The following MID1 variants were observed in gnomAD, a reference collection of about 807,000 sequenced individuals.
MID1 encodes midline 1.
Under a neutral mutation model 40.4 loss-of-function variants are expected in MID1, and 7 were observed. The observed-to-expected ratio is 0.17, with a 90% CI of 0.10 to 0.33. The LOEUF (loss-of-function observed/expected upper bound fraction) is 0.33, where lower values mean the gene tolerates loss of function less well. MID1 is among the 10% of genes least tolerant of loss of function. The probability of loss-of-function intolerance (pLI) is 1.00; values close to 1 mark genes in which losing one functional copy is unlikely to be tolerated. For synonymous variants in MID1, 229 were observed against 221.2 expected, an observed-to-expected ratio of 1.04 and a Z score of -0.31; for missense variants, 367 against 558.5, an observed-to-expected ratio of 0.66 and a Z score of 3.46.
At chrX:10,612,855 G>A (rs761568953) in intron 1 of MID1, among the ~76,000 whole-genome samples, 51 of 108,498 alleles carry the variant, frequency 4.7e-4, no homozygotes, top group Non-Finnish European at 6.4e-4. Flanking sequence ...GCTTCTAGGT[G>A]TAGAACCTAA....
At chrX:10,605,396 T>C (rs1935606493) in intron 1 of MID1, among the ~76,000 whole-genome samples, 1 of 112,046 alleles carries the variant, frequency 8.9e-6, no homozygotes, top group Non-Finnish European at 1.9e-5. Context: ...TATAATGTTA[T>C]CACTTCACAG....
intron 1 of MID1, among the ~76,000 whole-genome samples, chrX:10,788,952 G>T (rs1327961171): frequency 8.9e-6 from 1 of 111,965 alleles, no homozygotes; most frequent in African/African-American, 3.2e-5. Context: ...GCAACATGGT[G>T]AAACCTTGTC....
chrX:10,647,367 T>C (rs1936272449), intron 1 of MID1, among the ~76,000 whole-genome samples: 1 of 111,440 alleles, frequency 9.0e-6, no homozygotes, highest in Non-Finnish European at 1.9e-5. Flanking sequence ...TTATTTCTAG[T>C]TGTGATTTGA....
At chrX:10,544,657 T>C (rs1000678464) in intron 2 of MID1, among the ~76,000 whole-genome samples, 1 of 112,217 alleles carries the variant, frequency 8.9e-6, no homozygotes, top group South Asian at 3.7e-4. Flanking sequence ...TAGGACTGCA[T>C]CTAATTTAAC....
intron 1 of MID1, among the ~76,000 whole-genome samples, chrX:10,728,021 A>T (rs183286598): frequency 8.9e-6 from 1 of 112,439 alleles, no homozygotes; most frequent in Admixed American, 9.4e-5. Context: ...ACAAAATGTA[A>T]TTTGTATTAT....
chrX:10,648,003 G>C (rs1936279201), intron 1 of MID1, among the ~76,000 whole-genome samples: 1 of 112,001 alleles, frequency 8.9e-6, no homozygotes, highest in African/African-American at 3.2e-5. Flanking sequence ...AACTGTTCCA[G>C]TTCTGACTTT....
chrX:10,466,175 C>T (rs5978403), intron 7 of MID1, among the ~76,000 whole-genome samples: 1,422 of 111,957 alleles, frequency 0.013, 21 homozygotes, highest in African/African-American at 0.044. Context: ...CAGACCTTCA[C>T]GTGCTTCTTT....
intron 3 of MID1, among the ~76,000 whole-genome samples, chrX:10,502,869 T>C (rs1413192516): frequency 8.9e-6 from 1 of 112,120 alleles, no homozygotes; most frequent in Admixed American, 9.4e-5. Context: ...AGGACTTTTC[T>C]CTATAACTAA....
rs188810403 is a variant in MID1, at chrX:10,540,028, C to T, written c.661-16841G>A. ...CCAGCCTGGCCAACATGGTGAAACC[C>T]CATCTCTACTAAAAATATAAAAGTT... On this transcript the variant is annotated intron_variant, in intron 2 of 9. Coordinates refer to ENST00000317552, the MANE Select transcript of MID1 (RefSeq NM_000381.4). Among the ~76,000 whole-genome samples the T allele has an allele frequency of 6.8e-4, 76 of 112,233 alleles. No homozygotes were observed. In the South Asian group the frequency reaches 0.011, roughly 16 times the overall value.
At chrX:10,684,334 G>C (rs750116189) in intron 1 of MID1, among the ~76,000 whole-genome samples, 11 of 109,584 alleles carry the variant, frequency 1.0e-4, no homozygotes, top group Admixed American at 4.9e-4. Flanking sequence ...CCGCTTGCTT[G>C]CTTGCTTGCT....
chrX:10,593,762 G>GACACACACACACACAC (rs57390547), intron 1 of MID1, among the ~76,000 whole-genome samples: 30 of 83,336 alleles, frequency 3.6e-4, no homozygotes, highest in African/African-American at 1.1e-3. Context: ...CTGTCCCTCT[G>GACACACACACACACAC]ACACACACAC....
At chrX:10,469,595 G>C (rs1929582712) in intron 7 of MID1, 102 bp downstream of exon 7, 1 of 1,210,013 alleles carries the variant, frequency 8.3e-7, no homozygotes, top group Non-Finnish European at 1.1e-6. Flanking sequence ...AATATTGTGT[G>C]TTCTTTCCTT....
intron 1 of MID1, among the ~76,000 whole-genome samples, chrX:10,756,968 A>T (rs1294689938): frequency 9.0e-6 from 1 of 111,494 alleles, no homozygotes; most frequent in Admixed American, 9.6e-5. Context: ...CCCAAATTAA[A>T]ATCACCTCTA....
At chrX:10,832,608 CA>C (rs989310437) in intron 1 of MID1, among the ~76,000 whole-genome samples, 5 of 111,628 alleles carry the variant, frequency 4.5e-5, no homozygotes, top group African/African-American at 1.6e-4. Flanking sequence ...TAATTCAACT[CA>C]AAAAACCACA....
In MID1 at chrX:10,477,639, G is replaced by C. The variant is rs190774930; in HGVS notation, c.1014-2889C>G. ...TTTGGATAAGTTGCCAAATCCACTA[G>C]GGCTGTTAGCGCTATGCCACTTTCT... On this transcript the variant is annotated intron_variant, in intron 5 of 9. Coordinates refer to ENST00000317552, the MANE Select transcript of MID1 (RefSeq NM_000381.4). Among the ~76,000 whole-genome samples, 250 of 112,054 alleles carry C rather than the reference G, an allele frequency of 2.2e-3. 1 individual carries two copies. The highest frequency in any genetic ancestry group is 7.0e-3 in the African/African-American group (217 of 30,828).
intron 1 of MID1, among the ~76,000 whole-genome samples, chrX:10,696,857 A>G (rs1259375179): frequency 8.9e-6 from 1 of 112,078 alleles, no homozygotes; most frequent in African/African-American, 3.2e-5. Flanking sequence ...AACATTAACT[A>G]TAAGTGGTCA....
intron 1 of MID1, among the ~76,000 whole-genome samples, chrX:10,768,199 CT>C (rs778393085): frequency 0.017 from 1,901 of 109,860 alleles, 47 homozygotes; most frequent in African/African-American, 0.06. Flanking sequence ...AAAAATGAAA[CT>C]TTTTTTTAAG....
intron 1 of MID1, among the ~76,000 whole-genome samples, chrX:10,692,103 G>A (rs1366222972): frequency 2.7e-5 from 3 of 111,763 alleles, no homozygotes; most frequent in Non-Finnish European, 3.8e-5. Context: ...AGCGGGACAT[G>A]GACCCTCATC....
At chrX:10,612,694 C>T (rs1478375410) in intron 1 of MID1, among the ~76,000 whole-genome samples, 1 of 112,421 alleles carries the variant, frequency 8.9e-6, no homozygotes, top group African/African-American at 3.2e-5. Flanking sequence ...TGAGTTGCCT[C>T]ATTATAAACC....
Sources: gnomAD v4.1 joint callset for allele counts (sites outside exome capture counted in the v4.1 genomes callset) on GRCh38, gnomAD v4.1.1 for gene constraint, MANE v1.5 for transcripts, NCBI Gene and HGNC (gene_info 2026-07-23, HGNC 2026-07-21) for gene names.